Variants in DACH2 observed in about 807,000 individuals in gnomAD.
The protein encoded by DACH2 is dachshund homolog 2.
DACH2 carries 17 observed loss-of-function variants against 35.8 expected under a neutral mutation model. The observed-to-expected ratio is 0.48, with a 90% CI of 0.33 to 0.71. The LOEUF (loss-of-function observed/expected upper bound fraction) is 0.71. Ranked by LOEUF, DACH2 falls within the 30% of genes least tolerant of loss-of-function variation. The pLI is 0.02. For missense variants in DACH2, 469 were observed against 472.7 expected, an observed-to-expected ratio of 0.99 and a Z score of 0.07; for synonymous variants, 195 against 177.3, an observed-to-expected ratio of 1.10 and a Z score of -0.79.
intron 4 of DACH2, among the ~76,000 whole-genome samples, chrX:86,670,528 T>C (rs1287502258): frequency 1.8e-5 from 2 of 112,067 alleles, no homozygotes; most frequent in Non-Finnish European, 3.8e-5. Context: ...AGGTGCCTCC[T>C]TCAGTAGAAC....
chrX:86,400,344 G>A (rs1015937058), intron 2 of DACH2, among the ~76,000 whole-genome samples: 8 of 110,831 alleles, frequency 7.2e-5, no homozygotes, highest in South Asian at 7.6e-4. Context: ...CCTTTAGCTC[G>A]GAGTAGTTTG....
chrX:86,190,510 A>C (rs893380734), intron 1 of DACH2, among the ~76,000 whole-genome samples: 1 of 112,191 alleles, frequency 8.9e-6, no homozygotes, highest in Admixed American at 9.5e-5. Context: ...TTACTCCTTC[A>C]ACATGAACAG....
At chrX:86,591,533 C>G (rs1465499136) in intron 3 of DACH2, among the ~76,000 whole-genome samples, 1 of 86,035 alleles carries the variant, frequency 1.2e-5, no homozygotes, top group Non-Finnish European at 2.1e-5. Flanking sequence ...CTACTCAGTT[C>G]TTTGGCTATT....
intron 2 of DACH2, among the ~76,000 whole-genome samples, chrX:86,409,962 C>T (rs2036584056): frequency 8.9e-6 from 1 of 111,859 alleles, no homozygotes; most frequent in Admixed American, 9.5e-5. Context: ...TTAATACCTG[C>T]TCTTTATTTA....
chrX:86,509,656 A>G (rs1424364703), intron 2 of DACH2, among the ~76,000 whole-genome samples: 1 of 111,942 alleles, frequency 8.9e-6, no homozygotes, highest in Non-Finnish European at 1.9e-5. Context: ...GTCAGACCTA[A>G]GAGATTTTTA....
At chrX:86,217,821 A>G (rs757279503) in intron 1 of DACH2, among the ~76,000 whole-genome samples, 2 of 112,314 alleles carry the variant, frequency 1.8e-5, no homozygotes, top group South Asian at 7.4e-4. Context: ...CAGAAAGATC[A>G]TGTAGGAAGC....
intron 7 of DACH2, among the ~76,000 whole-genome samples, chrX:86,766,256 C>A (rs1223745020): frequency 9.0e-6 from 1 of 111,595 alleles, no homozygotes; most frequent in Non-Finnish European, 1.9e-5. Flanking sequence ...TAAATCGTTC[C>A]TAATTGTATT....
At chrX:86,364,137 C>T (rs1569364245) in intron 1 of DACH2, among the ~76,000 whole-genome samples, 2 of 111,384 alleles carry the variant, frequency 1.8e-5, no homozygotes, top group African/African-American at 6.5e-5. Flanking sequence ...CATGGCATTG[C>T]TATTTAATTT....
chrX:86,320,986 TGAAAAATTCA>T (rs905913609), intron 1 of DACH2, among the ~76,000 whole-genome samples: 18 of 111,899 alleles, frequency 1.6e-4, no homozygotes, highest in African/African-American at 5.9e-4. Flanking sequence ...ACTCATGGTC[TGAAAAATTCA>T]GTAATGCCCA....
intron 2 of DACH2, among the ~76,000 whole-genome samples, chrX:86,419,378 A>G (rs1282086266): frequency 8.9e-6 from 1 of 111,937 alleles, no homozygotes; most frequent in Non-Finnish European, 1.9e-5. Flanking sequence ...TGCCTGGGAG[A>G]CCTCACAATC....
chrX:86,478,984 T>C, intron 2 of DACH2, among the ~76,000 whole-genome samples: 1 of 110,581 alleles, frequency 9.0e-6, no homozygotes, highest in Non-Finnish European at 1.9e-5. Context: ...GCTTGGAGAA[T>C]GAGTGCAAGG....
At chrX:86,460,586 G>A (rs2037554175) in intron 2 of DACH2, among the ~76,000 whole-genome samples, 1 of 110,520 alleles carries the variant, frequency 9.0e-6, no homozygotes, top group South Asian at 3.8e-4. Flanking sequence ...TATAAAATTA[G>A]CTATTTTAAA....
chrX:86,683,318 C>T (rs2040903528), intron 4 of DACH2, among the ~76,000 whole-genome samples: 2 of 58,716 alleles, frequency 3.4e-5, no homozygotes, highest in Admixed American at 4.7e-4. Flanking sequence ...CAGCCAAACC[C>T]AGTCTTTTCT....
chrX:86,475,960 T>G (rs1296067012), intron 2 of DACH2, among the ~76,000 whole-genome samples: 1 of 112,553 alleles, frequency 8.9e-6, no homozygotes, highest in Admixed American at 9.4e-5. Flanking sequence ...TTCATTCTGT[T>G]GATACGATGT....
chrX:86,175,951 G>T (rs1410809779), intron 1 of DACH2, among the ~76,000 whole-genome samples: 1 of 111,343 alleles, frequency 9.0e-6, no homozygotes, highest in African/African-American at 3.3e-5. Context: ...TGATTGCCAG[G>T]CAACATTAAG....
chrX:86,443,780 G>A (rs2037211635), intron 2 of DACH2, among the ~76,000 whole-genome samples: 1 of 111,740 alleles, frequency 8.9e-6, no homozygotes, highest in Admixed American at 9.6e-5. Context: ...CCTACATTTT[G>A]TTAATGAGAT....
intron 1 of DACH2, among the ~76,000 whole-genome samples, chrX:86,268,675 C>T (rs2033758242): frequency 9.2e-6 from 1 of 109,260 alleles, no homozygotes; most frequent in Non-Finnish European, 1.9e-5. Context: ...GCTGGGATTA[C>T]AGGAGGCACC....
intron 1 of DACH2, among the ~76,000 whole-genome samples, chrX:86,315,836 C>CAGAGAGAG (rs1335928510): frequency 4.1e-4 from 32 of 78,041 alleles, no homozygotes; most frequent in African/African-American, 1.5e-3. Context: ...CACACACACA[C>CAGAGAGAG]ACACAGAGAG....
intron 3 of DACH2, among the ~76,000 whole-genome samples, chrX:86,601,121 A>G (rs1846329260): frequency 9.0e-6 from 1 of 110,821 alleles, no homozygotes; most frequent in Non-Finnish European, 1.9e-5. Context: ...TCCTCTCTGT[A>G]CCCCAGTGCC....
Sources: gnomAD v4.1 joint callset for allele counts (sites outside exome capture counted in the v4.1 genomes callset) on GRCh38, gnomAD v4.1.1 for gene constraint, MANE v1.5 for transcripts, NCBI Gene and HGNC (gene_info 2026-07-23, HGNC 2026-07-21) for gene names.